TSEN2: variants seen among roughly 807,000 people sequenced by gnomAD.
TSEN2 encodes tRNA-splicing endonuclease subunit Sen2.
In TSEN2, 54 loss-of-function variants were observed where a neutral mutation model predicts 59.2. That is an observed-to-expected ratio of 0.91 (90% CI 0.73 to 1.14). TSEN2 has a LOEUF of 1.14. TSEN2 is among the 50% of genes most tolerant of loss of function. TSEN2 has a pLI of 0.00. For synonymous variants in TSEN2, 195 were observed against 198.2 expected, an observed-to-expected ratio of 0.98 and a Z score of 0.14; for missense variants, 636 against 576.2, an observed-to-expected ratio of 1.10 and a Z score of -1.06.
In TSEN2 at chr3:12,503,265, T is replaced by G; in HGVS notation, c.312T>G (p.Tyr104Ter). 6.2e-7 allele frequency: 1 copy of G among 1,614,168 alleles called. No homozygotes were observed. Among genetic ancestry groups the G allele is most frequent in the Non-Finnish European group, 8.5e-7 (1 of 1,180,032 alleles). ...TAACAGTATTTCTGTCTTGCAGGTA[T>G]CAGCATAGTGTTGAGTGGGCAGCAG... The part of the protein sequence containing the change: ...TNMPIITSKR[Y>*]QHSVEWAAEL... Residue 104 changes from tyrosine to a stop codon, truncating the protein, a stop_gained, in exon 5 of 12, where the codon TAT (tyrosine) becomes TAG (stop). Coordinates refer to ENST00000284995, the MANE Select transcript of TSEN2 (RefSeq NM_025265.4). LOFTEE classifies it high-confidence loss of function.
upstream of TSEN2, among the ~76,000 whole-genome samples, chr3:12,483,303 G>T (rs1013141225): frequency 1.2e-4 from 18 of 152,240 alleles, no homozygotes; most frequent in African/African-American, 3.9e-4. Flanking sequence ...CTGAACCTGG[G>T]AGGCAGAGAT....
chr3:12,513,761 A>G (rs997804591), intron 6 of TSEN2, among the ~76,000 whole-genome samples: 2 of 152,256 alleles, frequency 1.3e-5, no homozygotes, highest in Admixed American at 6.5e-5. Context: ...TCTGAAAAAC[A>G]GCAGTATTCT....
At chr3:12,487,250 A>G (rs1227158146) in intron 1 of TSEN2, among the ~76,000 whole-genome samples, 1 of 152,254 alleles carries the variant, frequency 6.6e-6, no homozygotes, top group Non-Finnish European at 1.5e-5. Context: ...GTGTGCAGCC[A>G]CATGAGCAAG....
At chr3:12,481,380 A>G (rs1319728338), upstream of TSEN2, among the ~76,000 whole-genome samples, 1 of 152,220 alleles carries the variant, frequency 6.6e-6, no homozygotes, top group Non-Finnish European at 1.5e-5. Context: ...AAAAAATTTG[A>G]GTCACACAGT....
downstream of TSEN2, among the ~76,000 whole-genome samples, chr3:12,536,465 A>G (rs1347941217): frequency 1.3e-5 from 2 of 152,208 alleles, no homozygotes; most frequent in Non-Finnish European, 2.9e-5. Flanking sequence ...GGAGTGCTGA[A>G]CAATGGAATA....
At chr3:12,496,107 C>T (rs557247399) in intron 3 of TSEN2, among the ~76,000 whole-genome samples, 6 of 152,328 alleles carry the variant, frequency 3.9e-5, no homozygotes, top group Non-Finnish European at 7.4e-5. Flanking sequence ...TTTTCCAGCA[C>T]TTTTGATATA....
chr3:12,519,970 C>A (rs59171286), intron 8 of TSEN2, among the ~76,000 whole-genome samples: 2 of 152,034 alleles, frequency 1.3e-5, no homozygotes, highest in Non-Finnish European at 2.9e-5. Context: ...TTAATCCTTA[C>A]AGTAGTCCTA....
chr3:12,499,583 A>G (rs2054086349), intron 4 of TSEN2, among the ~76,000 whole-genome samples: 1 of 152,142 alleles, frequency 6.6e-6, no homozygotes, highest in African/African-American at 2.4e-5. Flanking sequence ...TAGGTACTAG[A>G]GATGTTTCTG....
At chr3:12,530,309 C>T in intron 10 of TSEN2, 1 of 991,146 alleles carries the variant, frequency 1.0e-6, no homozygotes, top group Non-Finnish European at 1.2e-6. Flanking sequence ...AAGCACTTTC[C>T]CACCCTGTTG....
At chr3:12,492,319 A>G (rs2053296782) in intron 3 of TSEN2, 102 bp downstream of exon 3, 2 of 1,009,788 alleles carry the variant, frequency 2.0e-6, no homozygotes, top group Non-Finnish European at 1.5e-6. Context: ...GAGAAGTAAC[A>G]TGTACACTGG....
upstream of TSEN2, among the ~76,000 whole-genome samples, chr3:12,481,752 C>G (rs887954452): frequency 1.3e-5 from 2 of 152,258 alleles, no homozygotes; most frequent in Admixed American, 1.3e-4. Flanking sequence ...GATGAAAATG[C>G]TGTGACCAGA....
At chr3:12,516,381 T>TCCC (rs1366436774) in intron 6 of TSEN2, among the ~76,000 whole-genome samples, 1 of 152,006 alleles carries the variant, frequency 6.6e-6, no homozygotes, top group Non-Finnish European at 1.5e-5. Flanking sequence ...AGCGGAGATG[T>TCCC]GCCACCGCAC....
chr3:12,492,966 TTA>T (rs1442582582), intron 3 of TSEN2, among the ~76,000 whole-genome samples: 2 of 152,246 alleles, frequency 1.3e-5, no homozygotes, highest in African/African-American at 2.4e-5. Context: ...CTGGTAACCT[TTA>T]TATGTTTTCT....
Position 12,532,816 on chromosome 3 carries a change from T to C in TSEN2, c.*95T>C, listed in dbSNP as rs528422124. The C allele has an allele frequency of 1.5e-5, 18 of 1,187,120 alleles. No individual in the cohort carries two copies. Among genetic ancestry groups the C allele is most frequent in the Non-Finnish European group, 2.1e-5 (17 of 801,406 alleles). 73.5% of individuals were successfully genotyped at this position (1,187,120 alleles called of 1,614,324 possible). A position where few individuals can be genotyped will look rare whatever the true frequency, so the allele number is the denominator to read the frequency against. ...TTGTAATCGTCCATTAATTCATAAG[T>C]TTTAAAGGGCATGGTGCTCCCAGCA... On this transcript the variant is annotated 3_prime_UTR_variant, in exon 12 of 12. Transcript: ENST00000284995.
chr3:12,517,898 A>C (rs977517747), intron 7 of TSEN2, among the ~76,000 whole-genome samples: 1 of 150,566 alleles, frequency 6.6e-6, no homozygotes, highest in Admixed American at 6.6e-5. Flanking sequence ...TGGGGTCACA[A>C]GGTCACACAG....
intron 11 of TSEN2, among the ~76,000 whole-genome samples, chr3:12,532,103 T>C (rs1311369370): frequency 6.6e-6 from 1 of 152,190 alleles, no homozygotes; most frequent in African/African-American, 2.4e-5. Flanking sequence ...GTTTCTGCAT[T>C]CCCTCCCTCT....
downstream of TSEN2, among the ~76,000 whole-genome samples, chr3:12,535,659 G>A (rs1202844006): frequency 6.6e-6 from 1 of 152,130 alleles, no homozygotes; most frequent in African/African-American, 2.4e-5. Flanking sequence ...AGCCTCCCAA[G>A]TAGCTGGGAT....
At chr3:12,487,131 G>C (rs1057264771) in intron 1 of TSEN2, among the ~76,000 whole-genome samples, 2 of 152,188 alleles carry the variant, frequency 1.3e-5, no homozygotes, top group Admixed American at 6.5e-5. Flanking sequence ...AGTCCTGTTC[G>C]ATTTGAAGAT....
intron 8 of TSEN2, among the ~76,000 whole-genome samples, chr3:12,525,719 A>G (rs1261990006): frequency 2.0e-5 from 3 of 151,312 alleles, no homozygotes; most frequent in African/African-American, 7.3e-5. Context: ...ACCACAGCTA[A>G]TTTTTTTTTA....
Sources: allele counts gnomAD v4.1 joint callset (sites outside exome capture counted in the v4.1 genomes callset), GRCh38; gene constraint gnomAD v4.1.1; transcripts MANE v1.5; gene names NCBI Gene and HGNC (gene_info 2026-07-23, HGNC 2026-07-21).